The following NUP133 variants were observed in gnomAD, a reference collection of about 807,000 sequenced individuals.
NUP133 encodes the protein nuclear pore complex protein Nup133.
NUP133 carries 66 observed loss-of-function variants against 146.2 expected under a neutral mutation model. That is an observed-to-expected ratio of 0.45 (90% confidence interval 0.37 to 0.55). The LOEUF is 0.55. NUP133 is among the 20% of genes least tolerant of loss of function. NUP133 has a pLI of 0.00. For missense variants in NUP133, 1,277 were observed against 1,374.8 expected, an observed-to-expected ratio of 0.93 and a Z score of 1.12; for synonymous variants, 521 against 498.8, an observed-to-expected ratio of 1.04 and a Z score of -0.59.
chr1:229,474,331 T>G (rs1187583642), intron 14 of NUP133, among the ~76,000 whole-genome samples: 1 of 152,234 alleles, frequency 6.6e-6, no homozygotes, highest in Admixed American at 6.5e-5. Context: ...AATAGTTAAC[T>G]GATACACTTG....
At chr1:229,475,520 G>A (rs769931401) in intron 14 of NUP133, 118 bp downstream of exon 14, 163 of 669,426 alleles carry the variant, frequency 2.4e-4, no homozygotes, top group Non-Finnish European at 3.1e-4. Context: ...AGAGACAATG[G>A]AAAACACCAG....
At position 229,440,718 on chromosome 1, in the gene NUP133, A is replaced by C. The variant is rs1035850983; in HGVS notation, c.*1186T>G. On this transcript the variant is annotated 3_prime_UTR_variant, in exon 26 of 26. Transcript: ENST00000261396. ...ACCTTCCAACATGTTCCTAACCCAG[A>C]CCCTAATGCTGTCCTAACATACAAG... 6.6e-6 allele frequency: 1 copy of C among 152,254 alleles called. No homozygotes were observed. The highest frequency in any genetic ancestry group is 2.4e-5 in the African/African-American group (1 of 41,460). The allele number at this position is 152,254 out of a possible 1,614,324, so 9.4% of individuals were successfully genotyped here.
At chr1:229,448,311 C>G (rs1221360072) in intron 24 of NUP133, among the ~76,000 whole-genome samples, 4 of 152,054 alleles carry the variant, frequency 2.6e-5, no homozygotes, top group African/African-American at 9.7e-5. Context: ...GCCTGTAATC[C>G]CATTTACTTG....
At chr1:229,501,316 A>T (rs1661791830) in intron 3 of NUP133, among the ~76,000 whole-genome samples, 1 of 152,196 alleles carries the variant, frequency 6.6e-6, no homozygotes, top group African/African-American at 2.4e-5. Context: ...CAGCTAACTC[A>T]GTATGTCCCC....
chr1:229,446,675 A>C (rs2102745417), intron 24 of NUP133, among the ~76,000 whole-genome samples: 1 of 151,444 alleles, frequency 6.6e-6, no homozygotes, highest in African/African-American at 2.4e-5. Context: ...TGGAGCTTGC[A>C]GTGAGCCAAG....
intron 1 of NUP133, among the ~76,000 whole-genome samples, chr1:229,506,628 C>T (rs1661945540): frequency 6.6e-6 from 1 of 151,754 alleles, no homozygotes; most frequent in South Asian, 2.1e-4. Flanking sequence ...CCAGACCTGG[C>T]CGGAGCAGTG....
intron 2 of NUP133, among the ~76,000 whole-genome samples, chr1:229,504,376 C>T (rs983292941): frequency 2.0e-5 from 3 of 152,140 alleles, no homozygotes; most frequent in Non-Finnish European, 4.4e-5. Context: ...ATCTAGAATT[C>T]AAGCCTTAAT....
intron 14 of NUP133, among the ~76,000 whole-genome samples, chr1:229,471,347 C>T (rs1222311291): frequency 6.6e-6 from 1 of 152,108 alleles, no homozygotes; most frequent in East Asian, 1.9e-4. Context: ...GATCTCCTGG[C>T]CACAAGCGAG....
Position 229,506,031 on chromosome 1 carries a change from G to A in NUP133, c.301+9C>T, listed in dbSNP as rs750692367. The A allele has an allele frequency of 6.7e-7, 1 of 1,487,432 alleles. No homozygotes were observed. The highest frequency in any genetic ancestry group is 1.1e-5 in the South Asian group (1 of 88,266). The allele number at this position is 1,487,432 out of a possible 1,614,324, so 92.1% of individuals were successfully genotyped here. ...TGCTAATATAGGTAAATGGAAAGAT[G>A]ACACCTACCTTCAGCCAATGTTAGG... On this transcript the variant is annotated intron_variant, in intron 2 of 25. Coordinates refer to ENST00000261396, the MANE Select transcript of NUP133 (RefSeq NM_018230.3).
At chr1:229,499,839 A>G (rs1398819665) in intron 4 of NUP133, 21 bp from the exon 5 acceptor site, 7 of 1,606,338 alleles carry the variant, frequency 4.4e-6, no homozygotes, top group African/African-American at 4.0e-5. Context: ...GATCACAACA[A>G]TCAGCAATCA....
intron 2 of NUP133, 42 bp downstream of exon 2, chr1:229,505,997 AT>A: frequency 8.5e-7 from 1 of 1,181,080 alleles, no homozygotes; most frequent in South Asian, 1.2e-5. Context: ...TCTAGGCTCC[AT>A]TTTAAACTGC....
intron 12 of NUP133, among the ~76,000 whole-genome samples, chr1:229,481,210 G>A (rs1558101353): frequency 6.6e-6 from 1 of 152,120 alleles, no homozygotes; most frequent in Non-Finnish European, 1.5e-5. Context: ...GCTTGCTCAG[G>A]ACTTAGATCA....
At chr1:229,466,828 T>C in intron 15 of NUP133, 72 bp from the exon 16 acceptor site, 2 of 1,482,622 alleles carry the variant, frequency 1.3e-6, no homozygotes, top group Non-Finnish European at 1.9e-6. Context: ...CCCAGTGAGT[T>C]TTACTCATTA....
intron 13 of NUP133, among the ~76,000 whole-genome samples, chr1:229,476,178 A>G (rs1237326458): frequency 2.0e-5 from 3 of 152,148 alleles, no homozygotes; most frequent in Non-Finnish European, 4.4e-5. Flanking sequence ...ACAGTTGTTT[A>G]TAACGTTACT....
rs1660935342 is a variant in NUP133 at position 229,470,705 on chromosome 1, T to C, written c.1951A>G (p.Ile651Val). Residue 651 changes from isoleucine (I) to valine (V), a missense_variant, in exon 15 of 26, where the codon ATT (isoleucine) becomes GTT (valine). By Grantham distance (29) the Ile-to-Val change is conservative. This residue lies in a region of NUP133 where 952 missense variants were observed against 1,047.0 expected (regional missense o/e 0.91). Transcript: ENST00000261396. ...CGGGAGTGGTGGTTCTTGAGAACAA[T>C]GGCGGCTGACAGCTTTTCGGCATGC... ...CEHAEKLSAA[I>V]VLKNHHSRLS... 1.9e-6 allele frequency: 3 copies of C among 1,614,194 alleles called. No individual in the cohort carries two copies. The highest frequency in any genetic ancestry group is 1.3e-5 in the African/African-American group (1 of 75,052).
At chr1:229,491,788 T>A (rs541934379) in intron 8 of NUP133, among the ~76,000 whole-genome samples, 4 of 151,582 alleles carry the variant, frequency 2.6e-5, no homozygotes, top group East Asian at 2.0e-4. Context: ...AAAAAAAAAA[T>A]AATTTTAGGC....
At chr1:229,476,970 G>T (rs911912115) in intron 13 of NUP133, among the ~76,000 whole-genome samples, 6 of 151,502 alleles carry the variant, frequency 4.0e-5, no homozygotes, top group African/African-American at 9.7e-5. Context: ...TGGGGGGCAG[G>T]TAAGTGCCAA....
Position 229,500,819 on chromosome 1 carries a change from G to A in NUP133, c.450C>T (p.His150=), listed in dbSNP as rs781491183. 21 of 1,612,968 alleles carry A rather than the reference G, an allele frequency of 1.3e-5. No individual in the cohort carries two copies. Among genetic ancestry groups the A allele is most frequent in the African/African-American group, 2.7e-5 (2 of 74,938 alleles). ...KELQLPPSDF[H]WSADLVALSY... ...AAAGAGCCACTAAGTCGGCACTCCA[G>A]TGGAAATCACTAGGTGGCAGCTGAA... The change falls in exon 4 of 26, where the codon CAC becomes CAT. Residue 150 remains histidine, a synonymous_variant. Transcript: ENST00000261396.
chr1:229,494,508 T>C (rs368216205), intron 8 of NUP133, among the ~76,000 whole-genome samples: 2 of 152,228 alleles, frequency 1.3e-5, no homozygotes, highest in South Asian at 2.1e-4. Context: ...TTCTGAGAAG[T>C]TGTCATCTGA....
Sources: allele counts gnomAD v4.1 joint callset (sites outside exome capture counted in the v4.1 genomes callset), GRCh38; gene constraint gnomAD v4.1.1; regional missense constraint gnomAD v4.1.1; transcripts MANE v1.5; gene names NCBI Gene and HGNC (gene_info 2026-07-23, HGNC 2026-07-21).